SRSF11: variants seen among roughly 807,000 people sequenced by gnomAD.
SRSF11 encodes the protein serine/arginine-rich splicing factor 11.
SRSF11 carries 9 observed loss-of-function variants against 56.0 expected under a neutral mutation model. That is an observed-to-expected ratio of 0.16 (90% CI 0.10 to 0.28). The LOEUF (loss-of-function observed/expected upper bound fraction) is 0.28. Among genes scored for constraint, SRSF11 ranks in the 10% least tolerant of loss-of-function variants. The pLI, the probability that SRSF11 is intolerant of heterozygous loss-of-function variation, is 1.00. For missense variants in SRSF11, 421 were observed against 600.7 expected, an observed-to-expected ratio of 0.70 and a Z score of 3.13; for synonymous variants, 222 against 215.3, an observed-to-expected ratio of 1.03 and a Z score of -0.27.
At chr1:70,221,896 A>G in intron 1 of SRSF11, 57 bp downstream of exon 1, 1 of 1,602,688 alleles carries the variant, frequency 6.2e-7, no homozygotes, top group Non-Finnish European at 8.5e-7. Flanking sequence ...TGGGCCTAAC[A>G]CACACAATTT....
intron 1 of SRSF11, among the ~76,000 whole-genome samples, chr1:70,223,717 A>G (rs536404907): frequency 2.2e-3 from 342 of 152,344 alleles, no homozygotes; most frequent in Non-Finnish European, 4.0e-3. Flanking sequence ...GTAGATGGCT[A>G]CTTTTATTTA....
rs777062096 is a variant in SRSF11, at chr1:70,235,566, T to G, written c.590+16T>G. On this transcript the variant is annotated intron_variant, in intron 5 of 11. Transcript: ENST00000370949. The stretch of plus-strand genomic sequence containing the variant: ...TTGATCCCAAGTAAGCGTTTTTTCT[T>G]TGTTTTCATTGGTGATGTGGTATCT... 4.4e-6 allele frequency: 7 copies of G among 1,608,590 alleles called. No individual in the cohort carries two copies. Among genetic ancestry groups the G allele is most frequent in the Non-Finnish European group, 5.9e-6 (7 of 1,178,614 alleles).
In SRSF11 at chr1:70,228,543, C is replaced by T. The variant is rs1485357261; in HGVS notation, c.325C>T (p.Pro109Ser). 1 of 1,612,792 alleles carries T rather than the reference C, an allele frequency of 6.2e-7. No individual in the cohort carries two copies. Reference protein sequence around the residue: ...VFVDRALIVVPYAEGVIPDEA... With the variant: ...VFVDRALIVVSYAEGVIPDEA... Reference sequence around the variant, plus strand: ...CGTTGACAGAGCTTTGATAGTCGTACCATATGCAGAAGGTTTGTGCTTTGT... The same window carrying T: ...CGTTGACAGAGCTTTGATAGTCGTATCATATGCAGAAGGTTTGTGCTTTGT... The change falls in exon 2 of 12, where the codon CCA (proline) becomes TCA (serine). Residue 109 changes from proline (P) to serine (S), a missense_variant. Pro to Ser is a moderately conservative substitution (Grantham distance 74). Transcript: ENST00000370949.
chr1:70,250,553 T>C, intron 11 of SRSF11, 50 bp downstream of exon 11: 2 of 1,608,928 alleles, frequency 1.2e-6, no homozygotes, highest in South Asian at 1.1e-5. Flanking sequence ...TGTTGGTACT[T>C]TCAGAAGTTA....
At chr1:70,240,997 C>T (rs558943315) in intron 7 of SRSF11, among the ~76,000 whole-genome samples, 16 of 152,074 alleles carry the variant, frequency 1.1e-4, no homozygotes, top group Admixed American at 7.9e-4. Flanking sequence ...ATCTCAAACC[C>T]GCGACCTCAG....
At chr1:70,213,516 A>ACATG (rs1449152333) in intron 1 of SRSF11, among the ~76,000 whole-genome samples, 1 of 152,196 alleles carries the variant, frequency 6.6e-6, no homozygotes, top group Non-Finnish European at 1.5e-5. Context: ...TTATGACAAG[A>ACATG]CATGGTAGGA....
intron 7 of SRSF11, among the ~76,000 whole-genome samples, chr1:70,241,159 C>T (rs943235538): frequency 4.6e-5 from 7 of 152,158 alleles, no homozygotes; most frequent in African/African-American, 9.7e-5. Context: ...TCTTAGTGTC[C>T]GTTACCCCTT....
intron 7 of SRSF11, among the ~76,000 whole-genome samples, chr1:70,242,501 G>A (rs994990358): frequency 6.9e-6 from 1 of 145,368 alleles, no homozygotes; most frequent in African/African-American, 2.6e-5. Flanking sequence ...ACAGGGTTTT[G>A]CCATGTTGCC....
At chr1:70,207,323 C>G (rs1366305518) in intron 1 of SRSF11, among the ~76,000 whole-genome samples, 6 of 152,166 alleles carry the variant, frequency 3.9e-5, no homozygotes, top group South Asian at 4.1e-4. Flanking sequence ...AATAATACCT[C>G]TGTTTGCTAT....
chr1:70,207,124 T>C (rs1669117484), intron 1 of SRSF11, among the ~76,000 whole-genome samples: 1 of 151,980 alleles, frequency 6.6e-6, no homozygotes, highest in South Asian at 2.1e-4. Flanking sequence ...ACTCCCAGCC[T>C]CAAGCGATCC....
rs377719404 is a variant in SRSF11 at position 70,235,607 on chromosome 1, TAG to T, written c.590+60_590+61del. The T allele has an allele frequency of 1.0e-4, 159 of 1,536,360 alleles. No individual in the cohort carries two copies. In the African/African-American group the frequency reaches 1.7e-3, roughly 16 times the overall value. Reference sequence around the variant, plus strand: ...TGTGGTATCTGAATGTCTACAGAATTAGAGTTTTTTTGATAGCTTATAAGAAA... The same window carrying T: ...TGTGGTATCTGAATGTCTACAGAATTAGTTTTTTTGATAGCTTATAAGAAA... On this transcript the variant is annotated intron_variant, in intron 5 of 11. Transcript: ENST00000370949.
Position 70,251,942 on chromosome 1 carries a change from G to A in SRSF11, c.*1137G>A, listed in dbSNP as rs1324961925. Reference sequence around the variant, plus strand: ...AAAAGTAGGCTACAGTCTGTGCCATGTTGATGTACAGTTTCTGAAATTGTT... The same window carrying A: ...AAAAGTAGGCTACAGTCTGTGCCATATTGATGTACAGTTTCTGAAATTGTT... On this transcript the variant is annotated 3_prime_UTR_variant, in exon 12 of 12. Coordinates refer to ENST00000370949, the MANE Select transcript of SRSF11 (RefSeq NM_001350605.2). The A allele has an allele frequency of 2.0e-5, 3 of 152,608 alleles. No individual in the cohort carries two copies. Among genetic ancestry groups the A allele is most frequent in the African/African-American group, 7.2e-5 (3 of 41,450 alleles). The allele number at this position is 152,608 out of a possible 1,614,324, so 9.5% of individuals were successfully genotyped here. A position where few individuals can be genotyped will look rare whatever the true frequency, so the allele number is the denominator to read the frequency against.
chr1:70,248,660 T>C (rs1339229011), intron 9 of SRSF11: 1 of 152,080 alleles, frequency 6.6e-6, no homozygotes, highest in East Asian at 1.9e-4. Flanking sequence ...TAAAAACTGT[T>C]GAGGATTTTT....
intron 2 of SRSF11, 24 bp downstream of exon 2, chr1:70,228,579 A>C (rs369909545): frequency 6.2e-7 from 1 of 1,605,728 alleles, no homozygotes; most frequent in Non-Finnish European, 8.5e-7. Flanking sequence ...TTAACTACCT[A>C]TGTGGGCATC....
upstream of SRSF11, among the ~76,000 whole-genome samples, chr1:70,217,856 A>T (rs1037421565): frequency 6.6e-6 from 1 of 152,206 alleles, no homozygotes; most frequent in African/African-American, 2.4e-5. Flanking sequence ...ACCTACAAGA[A>T]TCTTCAAAAT....
At chr1:70,206,889 C>CTTTTT in intron 1 of SRSF11, among the ~76,000 whole-genome samples, 1 of 118,986 alleles carries the variant, frequency 8.4e-6, no homozygotes, top group Non-Finnish European at 1.8e-5. Context: ...GGATTTTTGT[C>CTTTTT]TTTTTTTTTT....
upstream of SRSF11, chr1:70,221,333 G>T: frequency 2.7e-6 from 1 of 375,294 alleles, no homozygotes; most frequent in East Asian, 4.5e-5. Context: ...TGGAGCCGAC[G>T]CTGACGCGCC....
Position 70,209,001 on chromosome 1 carries a change from G to A in SRSF11, c.-26+3221G>A, listed in dbSNP as rs79303013. ...TACTGCATAGCTACCTTTTGTAATG[G>A]AATTGTCTAGCCAGAATTTATTATA... On this transcript the variant is annotated intron_variant, in intron 1 of 12. Transcript: ENST00000370950. Among the ~76,000 whole-genome samples, 679 of 152,264 alleles carry A rather than the reference G, an allele frequency of 4.5e-3. 6 individuals carry two copies. The highest frequency in any genetic ancestry group is 0.016 in the African/African-American group (666 of 41,552).
At chr1:70,247,851 C>A (rs1359324506) in intron 9 of SRSF11, among the ~76,000 whole-genome samples, 1 of 151,916 alleles carries the variant, frequency 6.6e-6, no homozygotes, top group Non-Finnish European at 1.5e-5. Flanking sequence ...TTAAAAATGG[C>A]AAAGAATCTG....
Sources: allele counts gnomAD v4.1 joint callset (sites outside exome capture counted in the v4.1 genomes callset), GRCh38; gene constraint gnomAD v4.1.1; transcripts MANE v1.5; gene names NCBI Gene and HGNC (gene_info 2026-07-23, HGNC 2026-07-21).